The following LRRC37A2 variants were observed in gnomAD, a reference collection of about 807,000 sequenced individuals.
LRRC37A2 encodes the protein leucine rich repeat containing 37 member A2, also known as leucine-rich repeat-containing protein 37A2.
LRRC37A2 carries 9 observed loss-of-function variants against 68.8 expected under a neutral mutation model. That is an observed-to-expected ratio of 0.13 (90% CI 0.08 to 0.23). The LOEUF (loss-of-function observed/expected upper bound fraction) is 0.23. Among genes scored for constraint, LRRC37A2 ranks in the 10% least tolerant of loss-of-function variants. The pLI, the probability that LRRC37A2 is intolerant of heterozygous loss-of-function variation, is 1.00. For synonymous variants in LRRC37A2, 63 were observed against 367.6 expected, an observed-to-expected ratio of 0.17 and a Z score of 9.48; for missense variants, 168 against 950.4, an observed-to-expected ratio of 0.18 and a Z score of 10.82.
chr17:47,001,695 T>C, the LRRC37A2 span, among the ~76,000 whole-genome samples: 1 of 151,210 alleles, frequency 6.6e-6, no homozygotes, highest in African/African-American at 2.4e-5. Context: ...ACTGATCTGC[T>C]TTCTTTCTCT....
the LRRC37A2 span, chr17:46,978,875 G>T: frequency 1.3e-6 from 2 of 1,562,594 alleles, no homozygotes; most frequent in Admixed American, 1.9e-5. Flanking sequence ...CTGGCGGCCA[G>T]CGGTGCGCCC....
the LRRC37A2 span, among the ~76,000 whole-genome samples, chr17:46,826,101 TG>T: frequency 6.6e-6 from 1 of 152,180 alleles, no homozygotes; most frequent in Non-Finnish European, 1.5e-5. Context: ...AAGACTTTTG[TG>T]GGGGCACATT....
chr17:46,954,625 C>A, the LRRC37A2 span, among the ~76,000 whole-genome samples: 1 of 152,154 alleles, frequency 6.6e-6, no homozygotes, highest in Non-Finnish European at 1.5e-5. Flanking sequence ...TCAGTATGGC[C>A]AGTTTCATGA....
the LRRC37A2 span, among the ~76,000 whole-genome samples, chr17:46,942,626 C>A: frequency 6.6e-6 from 1 of 152,204 alleles, no homozygotes; most frequent in Admixed American, 6.5e-5. Context: ...TAGTATAGGG[C>A]AAGTTCCCTG....
chr17:46,998,384 C>A, the LRRC37A2 span, among the ~76,000 whole-genome samples: 1 of 152,294 alleles, frequency 6.6e-6, no homozygotes, highest in Middle Eastern at 3.4e-3. Flanking sequence ...AAGGAGGGGA[C>A]CCAAGGGGCG....
At chr17:46,791,355 C>G in the LRRC37A2 span, among the ~76,000 whole-genome samples, 1 of 152,082 alleles carries the variant, frequency 6.6e-6, no homozygotes, top group African/African-American at 2.4e-5. Flanking sequence ...AGACGAGGAC[C>G]ACCATACCTG....
the LRRC37A2 span, among the ~76,000 whole-genome samples, chr17:46,918,314 G>A: frequency 6.6e-6 from 1 of 152,136 alleles, no homozygotes. Context: ...TCTTGACCTC[G>A]TGATCCGCCC....
chr17:46,787,325 T>C, the LRRC37A2 span, among the ~76,000 whole-genome samples: 1 of 151,892 alleles, frequency 6.6e-6, no homozygotes, highest in African/African-American at 2.4e-5. Flanking sequence ...ACAATAGGAG[T>C]GTCCTGGAAG....
chr17:46,770,052 C>A, the LRRC37A2 span: 2 of 1,539,750 alleles, frequency 1.3e-6, no homozygotes, highest in African/African-American at 2.7e-5. Context: ...CGGGTGGCTG[C>A]GGGGAGGTCG....
chr17:46,786,819 A>C, the LRRC37A2 span, among the ~76,000 whole-genome samples: 9 of 152,162 alleles, frequency 5.9e-5, no homozygotes, highest in Non-Finnish European at 1.3e-4. Context: ...TAGTCTTGGC[A>C]ACTCAGGGGA....
chr17:46,900,202 T>TACATACATATATATATACACACAC, the LRRC37A2 span, among the ~76,000 whole-genome samples: 43 of 101,168 alleles, frequency 4.3e-4, no homozygotes, highest in African/African-American at 1.5e-3. Flanking sequence ...TATATATATA[T>TACATACATATATATATACACACAC]ACACACACAC....
the LRRC37A2 span, among the ~76,000 whole-genome samples, chr17:46,783,470 C>A: frequency 6.6e-6 from 1 of 152,216 alleles, no homozygotes. Flanking sequence ...TTAATGAAGC[C>A]ACACCTGAGG....
At chr17:46,635,806 T>TGTGC in the LRRC37A2 span, among the ~76,000 whole-genome samples, 8 of 141,386 alleles carry the variant, frequency 5.7e-5, 1 homozygote, top group African/African-American at 2.1e-4. Context: ...TGTGTGTGTG[T>TGTGC]GTGTGTGTGT....
At chr17:46,901,039 GC>G in the LRRC37A2 span, among the ~76,000 whole-genome samples, 2 of 152,176 alleles carry the variant, frequency 1.3e-5, no homozygotes, top group Non-Finnish European at 1.5e-5. Context: ...CCCTACATAG[GC>G]ATTAAAAGAA....
the LRRC37A2 span, among the ~76,000 whole-genome samples, chr17:47,001,928 A>C: frequency 6.6e-6 from 1 of 151,694 alleles, no homozygotes; most frequent in Admixed American, 6.6e-5. Context: ...TTGTATTTGT[A>C]TTTAGTACAA....
At chr17:46,867,185 G>A in the LRRC37A2 span, among the ~76,000 whole-genome samples, 6 of 152,252 alleles carry the variant, frequency 3.9e-5, no homozygotes, top group African/African-American at 1.4e-4. Flanking sequence ...CTTCCAGACT[G>A]TGAGCTTCTT....
At chr17:46,499,347 A>T in the LRRC37A2 span, among the ~76,000 whole-genome samples, 1 of 146,154 alleles carries the variant, frequency 6.8e-6, no homozygotes, top group Admixed American at 6.8e-5. Flanking sequence ...GTGGGGGGAC[A>T]ATGTTACTCT....
At chr17:46,573,211 C>A in the LRRC37A2 span, among the ~76,000 whole-genome samples, 1 of 52,120 alleles carries the variant, frequency 1.9e-5, no homozygotes, top group Admixed American at 2.1e-4. Flanking sequence ...AAATACAATG[C>A]CATTCCAATC....
chr17:47,007,545 GAACT>G, the LRRC37A2 span, among the ~76,000 whole-genome samples: 2 of 152,158 alleles, frequency 1.3e-5, no homozygotes, highest in Admixed American at 1.3e-4. Flanking sequence ...TTTCTAAACA[GAACT>G]AACATCAGAA....
Sources: allele counts gnomAD v4.1 joint callset (sites outside exome capture counted in the v4.1 genomes callset), GRCh38; gene constraint gnomAD v4.1.1; transcripts MANE v1.5; gene names NCBI Gene and HGNC (gene_info 2026-07-23, HGNC 2026-07-21).